DEPDC7: variants seen among roughly 807,000 people sequenced by gnomAD.
DEPDC7 encodes DEP domain-containing protein 7.
Under a neutral mutation model 56.6 loss-of-function variants are expected in DEPDC7, and 41 were observed. The observed-to-expected ratio is 0.72, with a 90% CI of 0.56 to 0.94. The LOEUF (loss-of-function observed/expected upper bound fraction) is 0.94, where lower values mean the gene tolerates loss of function less well. Ranked by LOEUF, DEPDC7 falls within the 40% of genes least tolerant of loss-of-function variation. DEPDC7 has a pLI of 0.00. For missense variants in DEPDC7, 522 were observed against 596.3 expected (o/e 0.88, Z 1.30); for synonymous variants, 185 against 208.8 (o/e 0.89, Z 0.98).
chr11:33,021,452 G>A (rs73476666), intron 1 of DEPDC7, among the ~76,000 whole-genome samples: 208 of 152,246 alleles, frequency 1.4e-3, no homozygotes, highest in African/African-American at 4.7e-3. Flanking sequence ...AGAAATCACA[G>A]TAAGTCATCT....
chr11:33,033,037 C>A, intron 8 of DEPDC7, 70 bp downstream of exon 8: 2 of 1,283,932 alleles, frequency 1.6e-6, no homozygotes, highest in Non-Finnish European at 2.2e-6. Context: ...AAATGTTTTG[C>A]TATAAGTAGT....
chr11:33,019,279 A>G (rs1853498315), intron 1 of DEPDC7, among the ~76,000 whole-genome samples: 1 of 152,166 alleles, frequency 6.6e-6, no homozygotes, highest in African/African-American at 2.4e-5. Context: ...AGCAATACCC[A>G]CACTCATTGT....
chr11:33,025,564 G>A, intron 1 of DEPDC7, 95 bp from the exon 2 acceptor site: 2 of 1,233,972 alleles, frequency 1.6e-6, no homozygotes, highest in South Asian at 3.1e-5. Flanking sequence ...AATAACTTTG[G>A]AAATTACCAC....
chr11:33,019,878 C>CTTTTTTTTTTT (rs77915754), intron 1 of DEPDC7, among the ~76,000 whole-genome samples: 1 of 128,774 alleles, frequency 7.8e-6, no homozygotes. Flanking sequence ...GATTCAGTTC[C>CTTTTTTTTTTT]TTTTTTTTTT....
At chr11:33,026,351 GAA>G in intron 2 of DEPDC7, 1 of 342,148 alleles carries the variant, frequency 2.9e-6, no homozygotes, top group South Asian at 3.6e-5. Context: ...CAGGCAGAGA[GAA>G]ACCCAGATTG....
At chr11:33,023,538 A>T (rs1408108346) in intron 1 of DEPDC7, among the ~76,000 whole-genome samples, 7 of 151,824 alleles carry the variant, frequency 4.6e-5, no homozygotes. Context: ...GTTTTTGTTT[A>T]TTTATTTATT....
At chr11:33,029,353 C>A (rs1853610070) in intron 4 of DEPDC7, among the ~76,000 whole-genome samples, 1 of 151,544 alleles carries the variant, frequency 6.6e-6, no homozygotes, top group Non-Finnish European at 1.5e-5. Context: ...CAAAAATTAG[C>A]CAGGCATGGT....
At chr11:33,033,032 T>G in intron 8 of DEPDC7, 65 bp downstream of exon 8, 1 of 1,329,720 alleles carries the variant, frequency 7.5e-7, no homozygotes, top group Non-Finnish European at 1.0e-6. Flanking sequence ...TTTGAAAATG[T>G]TTTGCTATAA....
At chr11:33,017,315 T>C (rs1431995712) in intron 1 of DEPDC7, among the ~76,000 whole-genome samples, 2 of 152,210 alleles carry the variant, frequency 1.3e-5, no homozygotes, top group Admixed American at 1.3e-4. Flanking sequence ...ACTTACTCAG[T>C]GAAGGAAATT....
At chr11:33,032,169 T>G (rs571142558) in intron 5 of DEPDC7, among the ~76,000 whole-genome samples, 167 bp from the exon 6 acceptor site, 2 of 152,366 alleles carry the variant, frequency 1.3e-5, no homozygotes, top group South Asian at 4.1e-4. Context: ...GAGAACAAGC[T>G]GCCTTTATGG....
At chr11:33,019,606 C>T (rs1391317742) in intron 1 of DEPDC7, among the ~76,000 whole-genome samples, 2 of 151,430 alleles carry the variant, frequency 1.3e-5, no homozygotes, top group African/African-American at 4.9e-5. Flanking sequence ...GCAGAGGTTG[C>T]AGTGAGCCGA....
intron 1 of DEPDC7, among the ~76,000 whole-genome samples, chr11:33,023,100 G>T (rs1488751774): frequency 6.6e-6 from 1 of 151,926 alleles, no homozygotes; most frequent in Admixed American, 6.6e-5. Flanking sequence ...GTGGTGGCGG[G>T]CACCTGTAGT....
chr11:33,031,271 T>A, intron 4 of DEPDC7, 107 bp from the exon 5 acceptor site: 1 of 766,632 alleles, frequency 1.3e-6, no homozygotes. Flanking sequence ...TTTATCCTGA[T>A]GGCTTGAAAT....
At chr11:33,016,628 A>T (rs773347974) in intron 1 of DEPDC7, 13 of 1,602,258 alleles carry the variant, frequency 8.1e-6, no homozygotes, top group Non-Finnish European at 1.7e-6. Context: ...TTTAGTGAAT[A>T]GAAGTTTTTG....
intron 1 of DEPDC7, among the ~76,000 whole-genome samples, chr11:33,021,956 C>T (rs147729354): frequency 0.01 from 1,594 of 152,214 alleles, 24 homozygotes; most frequent in Non-Finnish European, 0.016. Context: ...CCAAATATCC[C>T]CTCTCACCGC....
intron 4 of DEPDC7, 71 bp downstream of exon 4, chr11:33,028,863 T>G: frequency 8.4e-7 from 1 of 1,189,796 alleles, no homozygotes; most frequent in East Asian, 2.5e-5. Flanking sequence ...TAAGGTAATC[T>G]GTTCTATTCT....
At chr11:33,027,921 AAG>A (rs376753284) in intron 3 of DEPDC7, 108 bp downstream of exon 3, 16 of 1,141,798 alleles carry the variant, frequency 1.4e-5, no homozygotes, top group African/African-American at 8.2e-5. Flanking sequence ...AGTACAGAGA[AAG>A]AGTGCACTAT....
At chr11:33,025,033 T>C (rs983662281) in intron 1 of DEPDC7, among the ~76,000 whole-genome samples, 1 of 152,164 alleles carries the variant, frequency 6.6e-6, no homozygotes, top group Non-Finnish European at 1.5e-5. Context: ...AGAATCCTTA[T>C]ACATAACTGG....
intron 1 of DEPDC7, among the ~76,000 whole-genome samples, chr11:33,023,336 A>G (rs892752216): frequency 6.6e-6 from 1 of 152,202 alleles, no homozygotes; most frequent in Non-Finnish European, 1.5e-5. Flanking sequence ...CAAATAAACA[A>G]TAAAGGACTG....
Sources: gnomAD v4.1 joint callset for allele counts (sites outside exome capture counted in the v4.1 genomes callset) on GRCh38, gnomAD v4.1.1 for gene constraint, MANE v1.5 for transcripts, NCBI Gene and HGNC (gene_info 2026-07-23, HGNC 2026-07-21) for gene names.